The following ANKRD28 variants were observed in gnomAD, a reference collection of about 807,000 sequenced individuals.
ANKRD28 encodes serine/threonine-protein phosphatase 6 regulatory ankyrin repeat subunit A.
ANKRD28 carries 44 observed loss-of-function variants against 126.5 expected under a neutral mutation model. That is an observed-to-expected ratio of 0.35 (90% confidence interval 0.27 to 0.45). ANKRD28 has a LOEUF of 0.45. Ranked by LOEUF, ANKRD28 falls within the 20% of genes least tolerant of loss-of-function variation. The pLI is 1.00. For synonymous variants in ANKRD28, 442 were observed against 468.5 expected, an observed-to-expected ratio of 0.94 and a Z score of 0.73; for missense variants, 1,110 against 1,316.6, an observed-to-expected ratio of 0.84 and a Z score of 2.43.
At chr3:15,848,088 A>G (rs962133884) in intron 1 of ANKRD28, among the ~76,000 whole-genome samples, 15 of 152,246 alleles carry the variant, frequency 9.9e-5, no homozygotes, top group Non-Finnish European at 2.1e-4. Context: ...ATAAAATCAG[A>G]GTCAAATAAA....
intron 13 of ANKRD28, among the ~76,000 whole-genome samples, chr3:15,708,543 C>T (rs1034657230): frequency 6.6e-6 from 1 of 152,036 alleles, no homozygotes; most frequent in Non-Finnish European, 1.5e-5. Flanking sequence ...ACCCTCTCAA[C>T]TCAAAGCATT....
chr3:15,849,505 G>A (rs2061593325), intron 1 of ANKRD28, among the ~76,000 whole-genome samples: 2 of 152,160 alleles, frequency 1.3e-5, no homozygotes, highest in African/African-American at 4.8e-5. Context: ...AAGACAGGGT[G>A]AGCTAACCTG....
intron 1 of ANKRD28, among the ~76,000 whole-genome samples, chr3:15,835,135 A>G (rs1239106875): frequency 6.6e-6 from 1 of 152,162 alleles, no homozygotes; most frequent in Non-Finnish European, 1.5e-5. Context: ...GCAAAAGAGC[A>G]AGACTCTGTA....
chr3:15,690,358 T>C (rs189242728), intron 17 of ANKRD28, 138 bp from the exon 18 acceptor site: 49 of 705,218 alleles, frequency 6.9e-5, no homozygotes, highest in Non-Finnish European at 9.1e-6. Flanking sequence ...ACATCGAGAA[T>C]TCAGGAAGTT....
At chr3:15,680,188 A>G (rs530647992) in intron 21 of ANKRD28, among the ~76,000 whole-genome samples, 33 of 152,204 alleles carry the variant, frequency 2.2e-4, no homozygotes, top group Non-Finnish European at 3.4e-4. Context: ...ATATCCTTCC[A>G]TAATAGCATA....
At chr3:15,720,043 A>AT (rs2073530535) in intron 8 of ANKRD28, among the ~76,000 whole-genome samples, 1 of 151,626 alleles carries the variant, frequency 6.6e-6, no homozygotes, top group East Asian at 1.9e-4. Context: ...CTCATTTTCT[A>AT]TTTTTTTGTG....
intron 4 of ANKRD28, among the ~76,000 whole-genome samples, chr3:15,751,271 T>C (rs945852190): frequency 6.6e-6 from 1 of 152,216 alleles, no homozygotes; most frequent in African/African-American, 2.4e-5. Context: ...GAACTATTCT[T>C]CCTTGTAATC....
chr3:15,756,644 TG>T (rs1385824741), intron 3 of ANKRD28: 1 of 270,074 alleles, frequency 3.7e-6, no homozygotes. Context: ...AAGTGTTTCC[TG>T]GGGCCTGGGT....
chr3:15,670,699 G>A (rs893884173), intron 27 of ANKRD28, 143 bp from the exon 28 acceptor site: 38 of 870,090 alleles, frequency 4.4e-5, no homozygotes, highest in South Asian at 1.3e-4. Context: ...AGCATGATTC[G>A]CAAGTTTCTA....
rs1045143164 is a variant in ANKRD28, at chr3:15,854,346, C to T, written c.27+5031G>A. Among the ~76,000 whole-genome samples, 12 of 152,184 alleles carry T rather than the reference C, an allele frequency of 7.9e-5. No homozygotes were observed. The highest frequency in any genetic ancestry group is 2.9e-4 in the African/African-American group (12 of 41,440). ...TCCTTCCTGGCTTGCCTTCACAGTT[C>T]CCTCTTGTTGCTTTCATTGACAACT... On this transcript the variant is annotated intron_variant, in intron 1 of 27. Coordinates refer to the ANKRD28 transcript ENST00000399451. The surrounding 1 kb of genome is among the most constrained non-coding windows in gnomAD (Gnocchi z 4.1).
chr3:15,695,871 A>G (rs1323577651), intron 15 of ANKRD28, among the ~76,000 whole-genome samples: 1 of 152,110 alleles, frequency 6.6e-6, no homozygotes, highest in African/African-American at 2.4e-5. Flanking sequence ...ATTAATTTAA[A>G]GGGGCAGGAG....
At chr3:15,713,788 G>T (rs1205931561) in intron 9 of ANKRD28, 147 bp from the exon 10 acceptor site, 1 of 472,494 alleles carries the variant, frequency 2.1e-6, no homozygotes, top group Non-Finnish European at 3.7e-6. Flanking sequence ...TCATTTATTG[G>T]GCCAGGCAAT....
chr3:15,735,599 T>G lies in ANKRD28; in HGVS notation c.553-102A>C, dbSNP rs886876289. ...TTATCTCAACTTCTCTGGCACTAAA[T>G]TTCTGCAGTTGCTGAACAGAAGGAG... On this transcript the variant is annotated intron_variant, in intron 5 of 27. Coordinates refer to ENST00000683139, the MANE Select transcript of ANKRD28 (RefSeq NM_001349278.2). 1.2e-5 allele frequency: 10 copies of G among 841,050 alleles called. No homozygotes were observed. In the Admixed American group the frequency reaches 2.3e-4, roughly 19 times the overall value. The allele number at this position is 841,050 out of a possible 1,614,324, so 52.1% of individuals were successfully genotyped here. A position where few individuals can be genotyped will look rare whatever the true frequency, so the allele number is the denominator to read the frequency against.
chr3:15,720,186 A>C (rs2073549332), intron 8 of ANKRD28, among the ~76,000 whole-genome samples: 1 of 152,064 alleles, frequency 6.6e-6, no homozygotes, highest in Non-Finnish European at 1.5e-5. Context: ...TAATTCTAAA[A>C]TCCAAATGCT....
intron 27 of ANKRD28, among the ~76,000 whole-genome samples, chr3:15,673,346 A>C (rs571609121): frequency 6.6e-6 from 1 of 152,326 alleles, no homozygotes; most frequent in African/African-American, 2.4e-5. Flanking sequence ...ATATCATCAG[A>C]AGTTAGTACA....
chr3:15,856,049 C>T (rs570385244), intron 1 of ANKRD28, among the ~76,000 whole-genome samples: 21 of 152,216 alleles, frequency 1.4e-4, no homozygotes, highest in Admixed American at 4.6e-4. Context: ...TGATCTAAAC[C>T]AGCAGTTATA....
intron 21 of ANKRD28, among the ~76,000 whole-genome samples, chr3:15,679,808 T>C (rs1324451430): frequency 6.6e-6 from 1 of 151,934 alleles, no homozygotes; most frequent in Admixed American, 6.6e-5. Context: ...GGGTTCTGCA[T>C]CCATCAATTC....
chr3:15,859,589 G>GCCA, exon 1 of ANKRD28: 1 of 197,458 alleles, frequency 5.1e-6, no homozygotes. Context: ...GCCCGCCGCC[G>GCCA]CCGCCGCCGC....
chr3:15,703,074 T>C (rs1018439252), intron 14 of ANKRD28, among the ~76,000 whole-genome samples: 8 of 152,116 alleles, frequency 5.3e-5, no homozygotes, highest in Admixed American at 4.6e-4. Context: ...CTTACATATA[T>C]ATACACAATA....
Sources: allele counts gnomAD v4.1 joint callset (sites outside exome capture counted in the v4.1 genomes callset), GRCh38; gene constraint gnomAD v4.1.1; non-coding constraint Gnocchi (gnomAD v3.1); transcripts MANE v1.5; gene names NCBI Gene and HGNC (gene_info 2026-07-23, HGNC 2026-07-21).